The following PRKG1 variants were observed in gnomAD, a reference collection of about 807,000 sequenced individuals.
PRKG1 encodes the protein protein kinase cGMP-dependent 1.
PRKG1 carries 35 observed loss-of-function variants against 88.1 expected under a neutral mutation model. That is an observed-to-expected ratio of 0.40 (90% CI 0.30 to 0.53). The LOEUF is 0.53. PRKG1 is among the 20% of genes least tolerant of loss of function. The probability of loss-of-function intolerance (pLI) is 0.59; values close to 1 mark genes in which losing one functional copy is unlikely to be tolerated. For synonymous variants in PRKG1, 303 were observed against 292.5 expected, an observed-to-expected ratio of 1.04 and a Z score of -0.37; for missense variants, 540 against 839.8, an observed-to-expected ratio of 0.64 and a Z score of 4.41.
chr10:51,262,404 T>C (rs1414227437), intron 2 of PRKG1, among the ~76,000 whole-genome samples: 6 of 152,166 alleles, frequency 3.9e-5, no homozygotes, highest in Non-Finnish European at 8.8e-5. Context: ...AAATAATATT[T>C]ATTGAGATCT....
At chr10:51,222,923 T>A (rs1342187997) in intron 2 of PRKG1, among the ~76,000 whole-genome samples, 1 of 151,894 alleles carries the variant, frequency 6.6e-6, no homozygotes, top group Non-Finnish European at 1.5e-5. Flanking sequence ...ATTATAAAAG[T>A]ACATATGTAT....
At chr10:51,864,637 A>G (rs981228563) in intron 4 of PRKG1, among the ~76,000 whole-genome samples, 2 of 152,332 alleles carry the variant, frequency 1.3e-5, no homozygotes, top group South Asian at 4.1e-4. Context: ...AAGTGAAACT[A>G]GAAGATTGGG....
intron 3 of PRKG1, chr10:51,699,572 G>A (rs759919522): frequency 8.2e-6 from 13 of 1,587,870 alleles, no homozygotes; most frequent in Non-Finnish European, 8.6e-6. Flanking sequence ...GCAGACAGCC[G>A]ATAGCGGATT....
chr10:52,116,009 T>C lies in PRKG1; in HGVS notation c.936-17831T>C, dbSNP rs77747820. ...TCCACTCAGCAATATAGACAGGAAG[T>C]ATTTATAGACAGAAAAAAAAGAGGT... On this transcript the variant is annotated intron_variant, in intron 7 of 17. Transcript: ENST00000373980. Among the ~76,000 whole-genome samples the C allele has an allele frequency of 8.5e-3, 1,287 of 152,142 alleles. 19 individuals are homozygous for C. Among genetic ancestry groups the C allele is most frequent in the African/African-American group, 0.029 (1,203 of 41,512 alleles).
At chr10:51,980,127 T>A (rs1843968992) in intron 5 of PRKG1, among the ~76,000 whole-genome samples, 1 of 152,080 alleles carries the variant, frequency 6.6e-6, no homozygotes, top group African/African-American at 2.4e-5. Flanking sequence ...AGTGCTATAA[T>A]TTTCTTCTTA....
chr10:52,025,632 G>A (rs966816331), intron 5 of PRKG1, among the ~76,000 whole-genome samples: 1 of 151,770 alleles, frequency 6.6e-6, no homozygotes, highest in Non-Finnish European at 1.5e-5. Flanking sequence ...AGGTCAGATG[G>A]TTGTAGATGT....
intron 5 of PRKG1, among the ~76,000 whole-genome samples, chr10:51,991,679 C>T (rs1459041308): frequency 3.3e-5 from 5 of 152,146 alleles, no homozygotes; most frequent in African/African-American, 1.2e-4. Flanking sequence ...TGGTTTCCAG[C>T]TTCATCCATA....
chr10:51,584,772 A>C (rs1290940734), intron 3 of PRKG1, among the ~76,000 whole-genome samples: 1 of 152,130 alleles, frequency 6.6e-6, no homozygotes, highest in Non-Finnish European at 1.5e-5. Context: ...GGCTCAGAGA[A>C]GGGAAAGAAC....
intron 5 of PRKG1, among the ~76,000 whole-genome samples, chr10:52,048,601 A>G (rs1385419896): frequency 6.6e-6 from 1 of 152,180 alleles, no homozygotes; most frequent in Non-Finnish European, 1.5e-5. Context: ...GAATTTTAAA[A>G]TAGCTAAATG....
At chr10:51,279,252 T>C (rs1840222548) in intron 2 of PRKG1, among the ~76,000 whole-genome samples, 1 of 152,212 alleles carries the variant, frequency 6.6e-6, no homozygotes, top group Non-Finnish European at 1.5e-5. Flanking sequence ...AGTTTCCATG[T>C]AGTTGAGAGG....
At position 51,578,980 on chromosome 10, in the gene PRKG1, G is replaced by GTT. The variant is rs752412264; in HGVS notation, c.592+111171_592+111172dup. ...GAAGAGTTTGGAATAAGTTCTGTTG[G>GTT]TTTTTTTTTTTTTTTTTTTTTTTTT... On this transcript the variant is annotated intron_variant, in intron 3 of 17. Transcript: ENST00000373980. Among the ~76,000 whole-genome samples the GTT allele has an allele frequency of 1.4e-3, 111 of 77,826 alleles. 12 individuals are homozygous for GTT. The highest frequency in any genetic ancestry group is 3.5e-3 in the East Asian group (11 of 3,114). The allele number at this position is 77,826 out of a possible 152,430, so 51.1% of individuals were successfully genotyped here. A position where few individuals can be genotyped will look rare whatever the true frequency, so the allele number is the denominator to read the frequency against.
rs562194594 is a variant in PRKG1, at chr10:51,937,791, C to T, written c.762+30221C>T. Among the ~76,000 whole-genome samples, 87 of 151,920 alleles carry T rather than the reference C, an allele frequency of 5.7e-4. 1 individual carries two copies. Among genetic ancestry groups the T allele is most frequent in the Non-Finnish European group, 2.4e-4 (16 of 67,942 alleles). On this transcript the variant is annotated intron_variant, in intron 5 of 17. Transcript: ENST00000373980. ...AAATTCATCCAAATACAGTAGTTCCCCCTTATCCACAGTTTCACTTTCTGT... is the reference window on the plus strand; with the variant it reads ...AAATTCATCCAAATACAGTAGTTCCTCCTTATCCACAGTTTCACTTTCTGT...
At chr10:51,669,659 T>C (rs1840508286) in intron 3 of PRKG1, among the ~76,000 whole-genome samples, 1 of 152,236 alleles carries the variant, frequency 6.6e-6, no homozygotes, top group Admixed American at 6.5e-5. Flanking sequence ...CCCAGGGTTA[T>C]ATAATTAGTT....
chr10:51,899,671 G>GTATATATATA (rs57320165), intron 4 of PRKG1, among the ~76,000 whole-genome samples: 129 of 120,388 alleles, frequency 1.1e-3, no homozygotes, highest in African/African-American at 2.1e-3. Flanking sequence ...AAAGAAAAAT[G>GTATATATATA]TATATATATA....
intron 9 of PRKG1, among the ~76,000 whole-genome samples, chr10:52,222,297 TG>T (rs1381289942): frequency 6.6e-6 from 1 of 152,134 alleles, no homozygotes; most frequent in Non-Finnish European, 1.5e-5. Context: ...CTGAGCAGAA[TG>T]GGGGTCCAGA....
chr10:51,388,550 ATAT>A (rs1307392070), intron 2 of PRKG1, among the ~76,000 whole-genome samples: 1 of 152,236 alleles, frequency 6.6e-6, no homozygotes, highest in Non-Finnish European at 1.5e-5. Context: ...CTGGAGGGAA[ATAT>A]TAGCTTTTCA....
chr10:51,821,063 A>C (rs1839732193), intron 4 of PRKG1, among the ~76,000 whole-genome samples: 1 of 152,130 alleles, frequency 6.6e-6, no homozygotes, highest in South Asian at 2.1e-4. Flanking sequence ...ATTACAGATT[A>C]GTATTGCCCT....
At chr10:51,976,618 G>C (rs1466267764) in intron 5 of PRKG1, among the ~76,000 whole-genome samples, 2 of 151,936 alleles carry the variant, frequency 1.3e-5, no homozygotes, top group Non-Finnish European at 1.5e-5. Context: ...AGTGGAAATG[G>C]GGAATGACTG....
intron 3 of PRKG1, among the ~76,000 whole-genome samples, chr10:51,506,234 C>T (rs1841198755): frequency 6.6e-6 from 1 of 152,138 alleles, no homozygotes; most frequent in Non-Finnish European, 1.5e-5. Context: ...CCATTCAGGA[C>T]ATAGGCATGG....
Sources: gnomAD v4.1 joint callset for allele counts (sites outside exome capture counted in the v4.1 genomes callset) on GRCh38, gnomAD v4.1.1 for gene constraint, MANE v1.5 for transcripts, NCBI Gene and HGNC (gene_info 2026-07-23, HGNC 2026-07-21) for gene names.